HNRNPR: variants seen among roughly 807,000 people sequenced by gnomAD.
The protein encoded by HNRNPR is heterogeneous nuclear ribonucleoprotein R.
In HNRNPR, 4 loss-of-function variants were observed where a neutral mutation model predicts 70.3. The observed-to-expected ratio is 0.06, with a 90% confidence interval of 0.03 to 0.13. The LOEUF (loss-of-function observed/expected upper bound fraction) is 0.13, where lower values mean the gene tolerates loss of function less well. Among genes scored for constraint, HNRNPR ranks in the 10% least tolerant of loss-of-function variants. HNRNPR has a pLI of 1.00. For missense variants in HNRNPR, 423 were observed against 788.5 expected (o/e 0.54, Z 5.55); for synonymous variants, 241 against 267.6 (o/e 0.90, Z 0.97).
chr1:23,319,635 CAAGA>C (rs1645680719), intron 7 of HNRNPR, among the ~76,000 whole-genome samples: 1 of 152,198 alleles, frequency 6.6e-6, no homozygotes, highest in African/African-American at 2.4e-5. Context: ...ATCCCATAAA[CAAGA>C]AATAGGTGTT....
At position 23,340,846 on chromosome 1, in the gene HNRNPR, T is replaced by C; in HGVS notation, c.157+6A>G. The C allele has an allele frequency of 6.2e-7, 1 of 1,607,428 alleles. No homozygotes were observed. Among genetic ancestry groups the C allele is most frequent in the Non-Finnish European group, 8.5e-7 (1 of 1,177,290 alleles). ...ACCAGTCAGAAACAAGAAATGCATA[T>C]TATACCTGTCTGAAATATTTCATCA... On this transcript the variant is annotated splice_donor_region_variant and intron_variant, in intron 2 of 10. Transcript: ENST00000302271.
intron 7 of HNRNPR, among the ~76,000 whole-genome samples, chr1:23,320,219 T>G (rs1440261848): frequency 2.0e-5 from 3 of 152,134 alleles, no homozygotes; most frequent in Non-Finnish European, 4.4e-5. Flanking sequence ...CAGAAGGAGC[T>G]ATAGATAATA....
In HNRNPR at chr1:23,305,320, C is replaced by T. The variant is rs1557790955; in HGVS notation, c.*5134G>A. 1 of 152,128 alleles carries T rather than the reference C, an allele frequency of 6.6e-6. No homozygotes were observed. The highest frequency in any genetic ancestry group is 1.5e-5 in the Non-Finnish European group (1 of 67,994). The allele number at this position is 152,128 out of a possible 1,614,324, so 9.4% of individuals were successfully genotyped here. On this transcript the variant is annotated 3_prime_UTR_variant, in exon 11 of 11. Transcript: ENST00000302271. ...TCACTGACACATGCATAAAATGTTA[C>T]CTTAACACAACCCTGCAATCACTAC... is the stretch of plus-strand genomic sequence containing the variant.
chr1:23,343,323 G>A (rs1646775741), intron 1 of HNRNPR, among the ~76,000 whole-genome samples: 1 of 152,190 alleles, frequency 6.6e-6, no homozygotes, highest in Non-Finnish European at 1.5e-5. Flanking sequence ...GGCTTTAAAA[G>A]AACCAACGAA....
rs540506081 is a variant in HNRNPR at position 23,322,832 on chromosome 1, A to G, written c.675+724T>C. 5.9e-5 allele frequency among the ~76,000 whole-genome samples: 9 copies of G among 152,338 alleles called. No individual in the cohort carries two copies. The South Asian group carries it at 1.7e-3, about 28-fold the overall frequency. On this transcript the variant is annotated intron_variant, in intron 6 of 10. Coordinates refer to ENST00000302271, the MANE Select transcript of HNRNPR (RefSeq NM_005826.5). The stretch of plus-strand genomic sequence containing the variant: ...GGCAAGGGTATGCCAAAAAATAATT[A>G]CATTGTTATTTTAAGATACTGAGAT...
intron 4 of HNRNPR, among the ~76,000 whole-genome samples, chr1:23,334,774 T>C (rs1017419142): frequency 5.9e-5 from 9 of 152,180 alleles, no homozygotes; most frequent in Non-Finnish European, 1.0e-4. Flanking sequence ...AGAGCAATCA[T>C]AGAAAAGAAG....
At chr1:23,324,690 C>T (rs1456580608) in intron 5 of HNRNPR, among the ~76,000 whole-genome samples, 2 of 152,130 alleles carry the variant, frequency 1.3e-5, no homozygotes, top group Non-Finnish European at 2.9e-5. Context: ...AAAAAAACCT[C>T]TTCACCATTT....
At chr1:23,342,577 A>G (rs1646743196) in intron 1 of HNRNPR, among the ~76,000 whole-genome samples, 1 of 152,220 alleles carries the variant, frequency 6.6e-6, no homozygotes, top group Non-Finnish European at 1.5e-5. Flanking sequence ...GAATACGTTT[A>G]CTGATTAACA....
At position 23,338,973 on chromosome 1, in the gene HNRNPR, A is replaced by G. The variant is rs59545573; in HGVS notation, c.158-365T>C. ...TACAACAAATTTTGGTTTATATTAG[A>G]GTGATAAGAATACATTGCGTTTTCC... On this transcript the variant is annotated intron_variant, in intron 2 of 10. Transcript: ENST00000302271. Among the ~76,000 whole-genome samples, 839 of 152,350 alleles carry G rather than the reference A, an allele frequency of 5.5e-3. 6 individuals carry two copies. Among genetic ancestry groups the G allele is most frequent in the African/African-American group, 0.018 (758 of 41,574 alleles).
rs1236997517 is a variant in HNRNPR, at chr1:23,308,536, T to C, written c.*1918A>G. On this transcript the variant is annotated 3_prime_UTR_variant, in exon 11 of 11. Coordinates refer to ENST00000302271, the MANE Select transcript of HNRNPR (RefSeq NM_005826.5). ...TGTTTGGTGTCTTTACTTGCATACA[T>C]GGGCATAAGAAAAACAACTGGATCT... 1 of 152,188 alleles carries C rather than the reference T, an allele frequency of 6.6e-6. No homozygotes were observed. Among genetic ancestry groups the C allele is most frequent in the East Asian group, 1.9e-4 (1 of 5,186 alleles). The allele number at this position is 152,188 out of a possible 1,614,324, so 9.4% of individuals were successfully genotyped here. A position where few individuals can be genotyped will look rare whatever the true frequency, so the allele number is the denominator to read the frequency against.
At chr1:23,340,736 A>C (rs1025887460) in intron 2 of HNRNPR, 116 bp downstream of exon 2, 2 of 822,698 alleles carry the variant, frequency 2.4e-6, no homozygotes, top group Admixed American at 5.4e-5. Flanking sequence ...AGTAACAAAC[A>C]TTCAGCTCTA....
intron 9 of HNRNPR, among the ~76,000 whole-genome samples, 156 bp downstream of exon 9, chr1:23,313,396 AT>A (rs1569898791): frequency 2.0e-5 from 3 of 152,202 alleles, no homozygotes; most frequent in African/African-American, 7.2e-5. Context: ...ATGGAGTCTT[AT>A]CTGTTACATA....
chr1:23,312,664 C>T (rs1557823738), intron 9 of HNRNPR, among the ~76,000 whole-genome samples: 1 of 152,126 alleles, frequency 6.6e-6, no homozygotes, highest in Non-Finnish European at 1.5e-5. Flanking sequence ...TAATTATAAA[C>T]CAATCAGGGA....
chr1:23,341,925 G>A (rs1353538581), intron 1 of HNRNPR, among the ~76,000 whole-genome samples: 1 of 152,160 alleles, frequency 6.6e-6, no homozygotes, highest in Non-Finnish European at 1.5e-5. Context: ...ACTCCCTGAA[G>A]AGAGAGAGTA....
intron 3 of HNRNPR, chr1:23,338,112 T>A: frequency 2.6e-6 from 1 of 390,850 alleles, no homozygotes; most frequent in Non-Finnish European, 4.5e-6. Flanking sequence ...TGTGACTGTA[T>A]CTAGACTGTC....
chr1:23,326,677 C>T (rs1256654750), intron 5 of HNRNPR, among the ~76,000 whole-genome samples: 3 of 152,004 alleles, frequency 2.0e-5, no homozygotes, highest in Non-Finnish European at 4.4e-5. Context: ...TCCAGCCACT[C>T]GGGAGGCTGA....
chr1:23,336,539 T>C (rs28656857), intron 4 of HNRNPR, among the ~76,000 whole-genome samples: 24,646 of 125,452 alleles, frequency 0.2, 2,597 homozygotes, highest in Admixed American at 0.4. Flanking sequence ...GCCACTGCAC[T>C]CCAGCCTGGG....
At chr1:23,343,122 C>G (rs1390982695) in intron 1 of HNRNPR, among the ~76,000 whole-genome samples, 1 of 152,078 alleles carries the variant, frequency 6.6e-6, no homozygotes, top group African/African-American at 2.4e-5. Flanking sequence ...CAATGCCACA[C>G]AGCCAAACCA....
chr1:23,326,184 C>A (rs567896883), intron 5 of HNRNPR, among the ~76,000 whole-genome samples: 11 of 150,998 alleles, frequency 7.3e-5, no homozygotes, highest in African/African-American at 2.7e-4. Context: ...CTGTTTTGAA[C>A]ACGCCATCCG....
Sources: allele counts gnomAD v4.1 joint callset (sites outside exome capture counted in the v4.1 genomes callset), GRCh38; gene constraint gnomAD v4.1.1; transcripts MANE v1.5; gene names NCBI Gene and HGNC (gene_info 2026-07-23, HGNC 2026-07-21).